The following PGRMC2 variants were observed in gnomAD, a reference collection of about 807,000 sequenced individuals.
PGRMC2 encodes the protein progesterone receptor membrane component 2, also known as membrane-associated progesterone receptor component 2.
A neutral mutation model predicts 19.3 loss-of-function variants in PGRMC2; 9 were observed. The ratio of observed to expected loss-of-function variants is 0.47; its 90% CI spans 0.28 to 0.81. The LOEUF (loss-of-function observed/expected upper bound fraction) is 0.81. Among genes scored for constraint, PGRMC2 ranks in the 40% least tolerant of loss-of-function variants. The probability of loss-of-function intolerance (pLI) is 0.11; values close to 1 mark genes in which losing one functional copy is unlikely to be tolerated. For missense variants in PGRMC2, 289 were observed against 297.3 expected (o/e 0.97, Z 0.21); for synonymous variants, 157 against 124.6 (o/e 1.26, Z -1.73).
At position 128,271,100 on chromosome 4, in the gene PGRMC2, C is replaced by CCCCA; in HGVS notation, c.*212_*215dup. 1 of 359,550 alleles carries CCCCA rather than the reference C, an allele frequency of 2.8e-6. No homozygotes were observed. Among genetic ancestry groups the CCCCA allele is most frequent in the African/African-American group, 2.1e-5 (1 of 47,728 alleles). The allele number at this position is 359,550 out of a possible 1,614,324, so 22.3% of individuals were successfully genotyped here. The stretch of plus-strand genomic sequence containing the variant: ...TCTCCTTCTTTTCAGGATGATGAAG[C>CCCCA]CCCACTAGACATTACAAACAACTGC... On this transcript the variant is annotated 3_prime_UTR_variant, in exon 3 of 3. Transcript: ENST00000296425.
At chr4:128,276,459 A>C (rs1246164982) in intron 1 of PGRMC2, among the ~76,000 whole-genome samples, 1 of 152,012 alleles carries the variant, frequency 6.6e-6, no homozygotes, top group Non-Finnish European at 1.5e-5. Flanking sequence ...AGCTGGGATT[A>C]TTGGGTGTGG....
In PGRMC2 at chr4:128,269,968, G is replaced by C. The variant is rs985757156; in HGVS notation, c.*1348C>G. On this transcript the variant is annotated 3_prime_UTR_variant, in exon 3 of 3. Transcript: ENST00000296425. ...TTTCTGGAGAATGTTCCACAAAGTGGAATTTCTTCCTAAAGTTATGCTGAA... is the reference window on the plus strand; with the variant it reads ...TTTCTGGAGAATGTTCCACAAAGTGCAATTTCTTCCTAAAGTTATGCTGAA... 6.6e-6 allele frequency: 1 copy of C among 152,584 alleles called. No individual in the cohort carries two copies. The highest frequency in any genetic ancestry group is 6.5e-5 in the Admixed American group (1 of 15,284). The allele number at this position is 152,584 out of a possible 1,614,324, so 9.5% of individuals were successfully genotyped here.
At chr4:128,279,845 G>A (rs562252750) in intron 1 of PGRMC2, among the ~76,000 whole-genome samples, 4 of 152,312 alleles carry the variant, frequency 2.6e-5, no homozygotes, top group African/African-American at 7.2e-5. Context: ...AGAACAATAC[G>A]TAGACTGGTG....
At chr4:128,284,678 T>C (rs1456509138) in intron 1 of PGRMC2, among the ~76,000 whole-genome samples, 4 of 152,216 alleles carry the variant, frequency 2.6e-5, no homozygotes, top group African/African-American at 7.2e-5. Context: ...AAAACCATTA[T>C]TGTGAAATTA....
intron 1 of PGRMC2, among the ~76,000 whole-genome samples, chr4:128,278,316 A>C (rs1418369196): frequency 6.6e-6 from 1 of 152,222 alleles, no homozygotes; most frequent in African/African-American, 2.4e-5. Flanking sequence ...TCTGTTAAAA[A>C]ACACAACCCC....
At chr4:128,277,149 T>A (rs1176555077) in intron 1 of PGRMC2, among the ~76,000 whole-genome samples, 1 of 149,538 alleles carries the variant, frequency 6.7e-6, no homozygotes, top group African/African-American at 2.5e-5. Context: ...AGAGCGAGAC[T>A]CCATCTCAAA....
intron 1 of PGRMC2, among the ~76,000 whole-genome samples, chr4:128,281,002 A>G (rs983945221): frequency 2.0e-5 from 3 of 152,226 alleles, no homozygotes; most frequent in Non-Finnish European, 2.9e-5. Context: ...CACCTCACTA[A>G]AATAAAAAGT....
At chr4:128,278,895 C>T (rs1191820585) in intron 1 of PGRMC2, among the ~76,000 whole-genome samples, 1 of 152,074 alleles carries the variant, frequency 6.6e-6, no homozygotes, top group East Asian at 1.9e-4. Context: ...AAAATCTGTA[C>T]GATCAATATG....
chr4:128,272,520 G>T lies in PGRMC2; in HGVS notation c.419-3C>A, dbSNP rs1760746279. On this transcript the variant is annotated splice_polypyrimidine_tract_variant and splice_region_variant and intron_variant, in intron 1 of 2. Coordinates refer to ENST00000296425, the MANE Select transcript of PGRMC2 (RefSeq NM_006320.6). ...AGCAAATATTCCATATGGACCCGCTGGAAAAAAGAAAATAAATTATTTAGA... is the reference window on the plus strand; with the variant it reads ...AGCAAATATTCCATATGGACCCGCTTGAAAAAAGAAAATAAATTATTTAGA... 14 of 1,406,960 alleles carry T rather than the reference G, an allele frequency of 1.0e-5. No homozygotes were observed. The East Asian group carries it at 3.8e-4, about 38-fold the overall frequency. 87.2% of individuals were successfully genotyped at this position (1,406,960 alleles called of 1,614,324 possible).
At chr4:128,279,966 T>C (rs1449042825) in intron 1 of PGRMC2, among the ~76,000 whole-genome samples, 5 of 152,090 alleles carry the variant, frequency 3.3e-5, no homozygotes, top group Non-Finnish European at 5.9e-5. Context: ...ATTACTTAAT[T>C]TAAAAAATCA....
In PGRMC2 at chr4:128,282,479, C is replaced by A. The variant is rs75013275; in HGVS notation, c.418+4894G>T. On this transcript the variant is annotated intron_variant, in intron 1 of 2. Transcript: ENST00000296425. ...TTATAATATGCTTTAGGATTTAACA[C>A]AAATACGATTCCCTCAAAGATTAAA... is the stretch of plus-strand genomic sequence containing the variant. Among the ~76,000 whole-genome samples, 1,452 of 152,318 alleles carry A rather than the reference C, an allele frequency of 9.5e-3. 34 individuals carry two copies. Among genetic ancestry groups the A allele is most frequent in the East Asian group, 0.085 (441 of 5,184 alleles).
intron 1 of PGRMC2, among the ~76,000 whole-genome samples, chr4:128,283,880 C>T (rs1435114100): frequency 2.0e-5 from 3 of 152,134 alleles, no homozygotes; most frequent in Admixed American, 6.5e-5. Flanking sequence ...AGGCTGGTCC[C>T]GAACTCCTGA....
chr4:128,275,036 T>A (rs3755897), intron 1 of PGRMC2, among the ~76,000 whole-genome samples: 1 of 152,136 alleles, frequency 6.6e-6, no homozygotes, highest in Non-Finnish European at 1.5e-5. Flanking sequence ...AGAAAACACA[T>A]AGAAGACTCA....
At chr4:128,273,631 A>G (rs1760764897) in intron 1 of PGRMC2, among the ~76,000 whole-genome samples, 1 of 152,256 alleles carries the variant, frequency 6.6e-6, no homozygotes, top group African/African-American at 2.4e-5. Context: ...ACAAGCAGAA[A>G]AAACTAGAAA....
intron 1 of PGRMC2, among the ~76,000 whole-genome samples, chr4:128,274,515 GAAAAA>G (rs34809072): frequency 5.7e-5 from 3 of 52,900 alleles, no homozygotes; most frequent in Admixed American, 2.4e-4. Flanking sequence ...CTTCTCCAAA[GAAAAA>G]AAAAAAAAAA....
intron 1 of PGRMC2, among the ~76,000 whole-genome samples, chr4:128,282,693 G>A (rs1409398251): frequency 6.6e-6 from 1 of 152,214 alleles, no homozygotes; most frequent in Non-Finnish European, 1.5e-5. Flanking sequence ...CAAGAAGCTG[G>A]GATGAGAGGT....
intron 1 of PGRMC2, 47 bp downstream of exon 1, chr4:128,287,326 G>A (rs550104171): frequency 9.6e-6 from 15 of 1,554,640 alleles, no homozygotes; most frequent in Non-Finnish European, 1.3e-5. Flanking sequence ...GAAGGGGGTT[G>A]TGCTTCAGCT....
intron 1 of PGRMC2, among the ~76,000 whole-genome samples, chr4:128,282,425 A>G (rs550788284): frequency 6.6e-6 from 1 of 152,358 alleles, no homozygotes; most frequent in African/African-American, 2.4e-5. Flanking sequence ...TCCACCCTGA[A>G]TAACAGCTTC....
intron 1 of PGRMC2, 21 bp downstream of exon 1, chr4:128,287,352 C>A: frequency 6.3e-7 from 1 of 1,580,476 alleles, no homozygotes; most frequent in Non-Finnish European, 8.6e-7. Context: ...GGGTCCTTCC[C>A]CTCCCCTTCC....
Sources: gnomAD v4.1 joint callset for allele counts (sites outside exome capture counted in the v4.1 genomes callset) on GRCh38, gnomAD v4.1.1 for gene constraint, MANE v1.5 for transcripts, NCBI Gene and HGNC (gene_info 2026-07-23, HGNC 2026-07-21) for gene names.